Variants in MACF1 observed in about 807,000 individuals in gnomAD.
MACF1 encodes microtubule actin crosslinking factor 1, also known as microtubule-actin cross-linking factor 1.
A neutral mutation model predicts 854.8 loss-of-function variants in MACF1; 193 were observed. The observed-to-expected ratio is 0.23, with a 90% CI of 0.20 to 0.25. The LOEUF (loss-of-function observed/expected upper bound fraction) is 0.25, where lower values mean the gene tolerates loss of function less well. Among genes scored for constraint, MACF1 ranks in the 10% least tolerant of loss-of-function variants. The pLI, the probability that MACF1 is intolerant of heterozygous loss-of-function variation, is 1.00. For synonymous variants in MACF1, 3,185 were observed against 3,226.7 expected (o/e 0.99, Z 0.44); for missense variants, 7,722 against 8,929.1 (o/e 0.86, Z 5.45).
chr1:39,412,293 T>G (rs766377950), intron 58 of MACF1: 1 of 1,613,990 alleles, frequency 6.2e-7, no homozygotes, highest in South Asian at 1.1e-5. Context: ...ATGAATCAAA[T>G]TTACTAACAG....
intron 51 of MACF1, among the ~76,000 whole-genome samples, chr1:39,372,175 A>T (rs1465744629): frequency 6.6e-6 from 1 of 152,120 alleles, no homozygotes; most frequent in East Asian, 1.9e-4. Context: ...AACTCCTCTT[A>T]TGCTCTTGGA....
At chr1:39,383,832 G>A (rs887711359) in intron 56 of MACF1, among the ~76,000 whole-genome samples, 9 of 151,718 alleles carry the variant, frequency 5.9e-5, no homozygotes, top group South Asian at 2.1e-4. Context: ...AGCCGAGATC[G>A]CACCACTGCA....
chr1:39,432,530 A>G lies in MACF1; in HGVS notation c.17338-5A>G. 16 of 1,613,888 alleles carry G rather than the reference A, an allele frequency of 9.9e-6. No individual in the cohort carries two copies. The highest frequency in any genetic ancestry group is 1.3e-5 in the Non-Finnish European group (15 of 1,179,856). On this transcript the variant is annotated splice_region_variant and splice_polypyrimidine_tract_variant and intron_variant, in intron 66 of 100. Coordinates refer to ENST00000564288, the MANE Select transcript of MACF1 (RefSeq NM_001394062.1). ...TTGTTTATTTTTCTTTAATACGTCT[A>G]TTAGTATGAGCAAGCTGCCGATGCA... is the stretch of plus-strand genomic sequence containing the variant.
chr1:39,094,419 AAAG>A (rs1439493458), intron 2 of MACF1, among the ~76,000 whole-genome samples: 2 of 151,588 alleles, frequency 1.3e-5, no homozygotes, highest in African/African-American at 2.4e-5. Context: ...AAAAAAAAGA[AAAG>A]AAAAAAGAAA....
intron 2 of MACF1, among the ~76,000 whole-genome samples, chr1:39,180,971 T>C (rs986889745): frequency 3.3e-5 from 5 of 152,224 alleles, no homozygotes; most frequent in Non-Finnish European, 2.9e-5. Flanking sequence ...CAGTAGCCCA[T>C]CTCTGTTCAC....
rs765883073 is a variant in MACF1 at position 39,357,864 on chromosome 1, A to G, written c.11914A>G (p.Thr3972Ala). The stretch of plus-strand genomic sequence containing the variant: ...AGTAAAGGACAAGTTGAAGGATGCA[A>G]CAGAAAGATACACTGCTCTCCACTC... ...NLVKDKLKDA[T>A]ERYTALHSKC... is the part of the protein sequence containing the mutation. The change falls in exon 45 of 101, where the codon ACA becomes GCA. Residue 3972 changes from threonine to alanine, a missense_variant. By Grantham distance (58) the Thr-to-Ala change is moderately conservative. Transcript: ENST00000564288. 5.6e-6 allele frequency: 9 copies of G among 1,613,578 alleles called. No individual in the cohort carries two copies. Among genetic ancestry groups the G allele is most frequent in the Non-Finnish European group, 7.6e-6 (9 of 1,179,752 alleles).
chr1:39,084,350 C>T lies in MACF1; in HGVS notation c.132C>T (p.Pro44=). Residue 44 remains proline (P), a synonymous_variant, in exon 2 of 94, where the codon CCC becomes CCT. Transcript: ENST00000361689. This position sits in a 1 kb window ranked among gnomAD's most constrained non-coding sequence, Gnocchi z 5.2. ...CCTGTCCCCCAGGGGACACCTTGCC[C>T]TGGAACCTGCCACTGCATGAGCAGA... is the stretch of plus-strand genomic sequence containing the variant. 1 of 1,614,028 alleles carries T rather than the reference C, an allele frequency of 6.2e-7. No individual in the cohort carries two copies. The highest frequency in any genetic ancestry group is 8.5e-7 in the Non-Finnish European group (1 of 1,180,036).
intron 65 of MACF1, 78 bp from the exon 66 acceptor site, chr1:39,430,624 T>G: frequency 1.8e-6 from 2 of 1,119,612 alleles, no homozygotes; most frequent in Non-Finnish European, 1.3e-6. Context: ...GTGGTAGAGA[T>G]AGCAATTTCC....
chr1:39,234,215 C>T (rs563637121), intron 2 of MACF1, among the ~76,000 whole-genome samples: 3 of 152,112 alleles, frequency 2.0e-5, no homozygotes, highest in Admixed American at 1.3e-4. Flanking sequence ...GGCAACCATC[C>T]GATTTCTCAA....
At position 39,436,566 on chromosome 1, in the gene MACF1, T is replaced by G. The variant is rs145493535; in HGVS notation, c.17988+805T>G. ...TTGAGGTCATTACCTGTAAGGGAAT[T>G]TCCCTTAACTTTAGTGGAATAAATT... is the stretch of plus-strand genomic sequence containing the variant. On this transcript the variant is annotated intron_variant, in intron 70 of 100. Coordinates refer to ENST00000564288, the MANE Select transcript of MACF1 (RefSeq NM_001394062.1). The G allele has an allele frequency of 5.9e-6, 8 of 1,355,780 alleles. No homozygotes were observed. In the African/African-American group the frequency reaches 7.2e-5, roughly 12 times the overall value. 84.0% of individuals were successfully genotyped at this position (1,355,780 alleles called of 1,614,324 possible). A position where few individuals can be genotyped will look rare whatever the true frequency, so the allele number is the denominator to read the frequency against.
intron 2 of MACF1, among the ~76,000 whole-genome samples, chr1:39,195,726 G>C (rs1291807470): frequency 6.6e-6 from 1 of 152,206 alleles, no homozygotes; most frequent in Non-Finnish European, 1.5e-5. Flanking sequence ...TGTGAAGCCA[G>C]AGAGTTTTGG....
rs752869293 is a variant in MACF1, at chr1:39,385,935, T to C, written c.14344+6T>C. The C allele has an allele frequency of 1.9e-6, 3 of 1,598,846 alleles. No individual in the cohort carries two copies. The highest frequency in any genetic ancestry group is 8.5e-7 in the Non-Finnish European group (1 of 1,170,594). On this transcript the variant is annotated splice_donor_region_variant and intron_variant, in intron 57 of 100. Coordinates refer to ENST00000564288, the MANE Select transcript of MACF1 (RefSeq NM_001394062.1). ...AGGTTTAGAAGACCTTGCAGGTAAG[T>C]TGGGGTGAAGAACATACTTCTGCCA...
At chr1:39,351,581 C>CTTTTTTT (rs36123797) in intron 43 of MACF1, among the ~76,000 whole-genome samples, 1 of 85,902 alleles carries the variant, frequency 1.2e-5, no homozygotes, top group Non-Finnish European at 2.2e-5. Context: ...AAGCAAATGG[C>CTTTTTTT]TTTTTTTTTT....
chr1:39,240,775 A>G (rs1644912867), intron 2 of MACF1, among the ~76,000 whole-genome samples: 1 of 152,214 alleles, frequency 6.6e-6, no homozygotes, highest in South Asian at 2.1e-4. Flanking sequence ...CTGGGATTAC[A>G]GGCGTGAGCC....
In MACF1 at chr1:39,207,811, T is replaced by A. The variant is rs16866214; in HGVS notation, c.109+2680T>A. ...ATGCCCAATATCATCTAAAAATTGA[T>A]TCTCTGCAATAAAACACAACATAGA... On this transcript the variant is annotated intron_variant, in intron 1 of 100. Coordinates refer to ENST00000564288, the MANE Select transcript of MACF1 (RefSeq NM_001394062.1). Among the ~76,000 whole-genome samples the A allele has an allele frequency of 8.7e-3, 1,317 of 152,246 alleles. 23 individuals carry two copies. The highest frequency in any genetic ancestry group is 0.03 in the African/African-American group (1,246 of 41,530).
At chr1:39,239,219 T>G (rs1644893328) in intron 2 of MACF1, among the ~76,000 whole-genome samples, 1 of 152,142 alleles carries the variant, frequency 6.6e-6, no homozygotes, top group African/African-American at 2.4e-5. Context: ...AGATGGAGGT[T>G]GCAGTGAGCT....
chr1:39,277,218 CCA>C (rs1645455047), intron 6 of MACF1, among the ~76,000 whole-genome samples: 1 of 150,068 alleles, frequency 6.7e-6, no homozygotes, highest in Non-Finnish European at 1.5e-5. Flanking sequence ...AATGAAATAC[CCA>C]GAGACAATGT....
chr1:39,314,327 T>C (rs1487604946), intron 26 of MACF1, among the ~76,000 whole-genome samples: 1 of 152,088 alleles, frequency 6.6e-6, no homozygotes, highest in Admixed American at 6.6e-5. Flanking sequence ...GAGAATCATT[T>C]GTACCCGGGA....
chr1:39,284,442 T>C lies in MACF1; in HGVS notation c.1131+14T>C, dbSNP rs1375695581. The C allele has an allele frequency of 5.2e-6, 8 of 1,542,736 alleles. No individual in the cohort carries two copies. ...AAATTACTAGAGGTAAGTGAGCTTA[T>C]CCTTTGCTGAGACTTGGGGTTTGCT... is the stretch of plus-strand genomic sequence containing the variant. On this transcript the variant is annotated intron_variant, in intron 11 of 100. Coordinates refer to ENST00000564288, the MANE Select transcript of MACF1 (RefSeq NM_001394062.1).
Sources: gnomAD v4.1 joint callset for allele counts (sites outside exome capture counted in the v4.1 genomes callset) on GRCh38, gnomAD v4.1.1 for gene constraint, Gnocchi (gnomAD v3.1) non-coding constraint, MANE v1.5 for transcripts, NCBI Gene and HGNC (gene_info 2026-07-23, HGNC 2026-07-21) for gene names.